Variants in FHOD3 observed in about 807,000 individuals in gnomAD.
FHOD3 encodes FH1/FH2 domain-containing protein 3.
A neutral mutation model predicts 173.0 loss-of-function variants in FHOD3; 90 were observed. That is an observed-to-expected ratio of 0.52 (90% CI 0.44 to 0.62). The LOEUF is 0.62. FHOD3 is among the 20% of genes least tolerant of loss of function. The probability of loss-of-function intolerance (pLI) is 0.00; values close to 1 mark genes in which losing one functional copy is unlikely to be tolerated. For missense variants in FHOD3, 1,945 were observed against 2,034.7 expected (o/e 0.96, Z 0.85); for synonymous variants, 828 against 823.0 (o/e 1.01, Z -0.10).
rs563636829 is a variant in FHOD3 at position 36,742,090 on chromosome 18, C to T, written c.3760-647C>T. On this transcript the variant is annotated intron_variant, in intron 21 of 28. Transcript: ENST00000590592. ...GCTGGAGAAACTGAAGCTGGATTTCCTGGCTTTGGGATATAGGCTGGGGGA... is the reference window on the plus strand; with the variant it reads ...GCTGGAGAAACTGAAGCTGGATTTCTTGGCTTTGGGATATAGGCTGGGGGA... 2.0e-5 allele frequency among the ~76,000 whole-genome samples: 3 copies of T among 152,216 alleles called. No homozygotes were observed. The South Asian group carries it at 6.2e-4, about 32-fold the overall frequency.
chr18:36,705,060 C>T (rs1000045903), intron 17 of FHOD3, among the ~76,000 whole-genome samples: 5 of 152,216 alleles, frequency 3.3e-5, no homozygotes, highest in African/African-American at 9.7e-5. Context: ...CTCCACAGCT[C>T]GCAGGCACAC....
intron 1 of FHOD3, among the ~76,000 whole-genome samples, chr18:36,307,310 C>T (rs533186054): frequency 1.2e-4 from 19 of 152,244 alleles, no homozygotes; most frequent in Non-Finnish European, 2.4e-4. Context: ...GTATTTGGAG[C>T]GATGGTCCTC....
chr18:36,512,991 T>G (rs991890060), intron 5 of FHOD3, among the ~76,000 whole-genome samples: 2 of 152,226 alleles, frequency 1.3e-5, no homozygotes, highest in African/African-American at 2.4e-5. Context: ...TCACCTTGTC[T>G]TCCTGTTTCT....
At chr18:36,303,707 A>T (rs1354636620) in intron 1 of FHOD3, among the ~76,000 whole-genome samples, 2 of 152,144 alleles carry the variant, frequency 1.3e-5, no homozygotes, top group Non-Finnish European at 2.9e-5. Flanking sequence ...AGAGGACAGC[A>T]ATCACCTGCT....
At chr18:36,481,472 G>A (rs2053892957) in intron 3 of FHOD3, among the ~76,000 whole-genome samples, 1 of 150,370 alleles carries the variant, frequency 6.7e-6, no homozygotes, top group African/African-American at 2.4e-5. Context: ...TTTCAGGATA[G>A]CAGTCACCAC....
At chr18:36,507,659 C>G (rs1277673178) in intron 4 of FHOD3, among the ~76,000 whole-genome samples, 1 of 152,212 alleles carries the variant, frequency 6.6e-6, no homozygotes, top group Non-Finnish European at 1.5e-5. Context: ...TGTCTTCAGT[C>G]TTTCCTGTCT....
At chr18:36,432,972 T>C (rs921342965) in intron 3 of FHOD3, among the ~76,000 whole-genome samples, 5 of 152,352 alleles carry the variant, frequency 3.3e-5, no homozygotes, top group Non-Finnish European at 5.9e-5. Flanking sequence ...TAATCATTTC[T>C]ATGACCCCGG....
At chr18:36,385,853 G>A (rs946786755) in intron 3 of FHOD3, among the ~76,000 whole-genome samples, 2 of 152,214 alleles carry the variant, frequency 1.3e-5, no homozygotes, top group African/African-American at 4.8e-5. Flanking sequence ...GTGTGTTCCT[G>A]GATTGTGTTC....
chr18:36,375,779 C>G (rs777045082), intron 3 of FHOD3, among the ~76,000 whole-genome samples: 28 of 152,080 alleles, frequency 1.8e-4, no homozygotes, highest in Non-Finnish European at 3.8e-4. Flanking sequence ...TGTAGTGGCT[C>G]TGAAGCATTT....
intron 5 of FHOD3, among the ~76,000 whole-genome samples, chr18:36,554,413 A>G (rs2147440970): frequency 6.7e-6 from 1 of 150,306 alleles, no homozygotes; most frequent in East Asian, 2.0e-4. Flanking sequence ...GCGTATTCTC[A>G]CTCATAGATG....
chr18:36,732,598 C>G (rs929414745), intron 20 of FHOD3, among the ~76,000 whole-genome samples: 9 of 152,188 alleles, frequency 5.9e-5, no homozygotes, highest in African/African-American at 2.2e-4. Flanking sequence ...AGGGCCCACT[C>G]GAATCCAGGA....
intron 22 of FHOD3, among the ~76,000 whole-genome samples, chr18:36,743,702 G>C (rs1247646002): frequency 6.6e-6 from 1 of 152,184 alleles, no homozygotes; most frequent in Admixed American, 6.5e-5. Flanking sequence ...AATTGGCTCA[G>C]CTTTGTCCAG....
At chr18:36,715,784 T>A (rs2040416553) in intron 18 of FHOD3, among the ~76,000 whole-genome samples, 2 of 152,174 alleles carry the variant, frequency 1.3e-5, no homozygotes, top group Admixed American at 6.5e-5. Context: ...TGGGGGAGGA[T>A]TGCACAGTTT....
chr18:36,499,719 G>A (rs2054929244), intron 3 of FHOD3, among the ~76,000 whole-genome samples: 1 of 152,166 alleles, frequency 6.6e-6, no homozygotes, highest in Admixed American at 6.5e-5. Flanking sequence ...CTCTTTAGAG[G>A]TCAGCCTGAG....
At chr18:36,499,208 A>G (rs2054896222) in intron 3 of FHOD3, among the ~76,000 whole-genome samples, 1 of 151,962 alleles carries the variant, frequency 6.6e-6, no homozygotes, top group African/African-American at 2.4e-5. Context: ...GGTTCACGAG[A>G]TTCTTCTGTC....
chr18:36,591,352 C>T (rs544511862), intron 6 of FHOD3, among the ~76,000 whole-genome samples: 3 of 152,218 alleles, frequency 2.0e-5, no homozygotes, highest in South Asian at 4.1e-4. Context: ...TTGCCCTCAT[C>T]GCAATGGTTG....
At chr18:36,633,742 AT>A (rs2148889744) in intron 10 of FHOD3, among the ~76,000 whole-genome samples, 1 of 152,350 alleles carries the variant, frequency 6.6e-6, no homozygotes, top group African/African-American at 2.4e-5. Flanking sequence ...TTGAGGATGA[AT>A]TAGATTTGTT....
intron 13 of FHOD3, among the ~76,000 whole-genome samples, chr18:36,657,375 C>T (rs1424518728): frequency 1.3e-5 from 2 of 152,150 alleles, no homozygotes; most frequent in Non-Finnish European, 2.9e-5. Context: ...TGCTAAAGGA[C>T]GTCTAGTCTG....
chr18:36,652,390 G>A (rs1166879346), intron 11 of FHOD3, among the ~76,000 whole-genome samples, 180 bp from the exon 12 acceptor site: 1 of 152,248 alleles, frequency 6.6e-6, no homozygotes, highest in African/African-American at 2.4e-5. Flanking sequence ...GATTGCTTGG[G>A]CAAACCAAAG....
Sources: allele counts gnomAD v4.1 joint callset (sites outside exome capture counted in the v4.1 genomes callset), GRCh38; gene constraint gnomAD v4.1.1; transcripts MANE v1.5; gene names NCBI Gene and HGNC (gene_info 2026-07-23, HGNC 2026-07-21).